Variants in RERE observed in about 807,000 individuals in gnomAD.
RERE encodes arginine-glutamic acid dipeptide repeats, also known as arginine-glutamic acid dipeptide repeats protein.
Under a neutral mutation model 146.1 loss-of-function variants are expected in RERE, and 40 were observed. The ratio of observed to expected loss-of-function variants is 0.27; its 90% CI spans 0.21 to 0.36. The LOEUF is 0.36. Among genes scored for constraint, RERE ranks in the 10% least tolerant of loss-of-function variants. RERE has a pLI of 1.00. For synonymous variants in RERE, 1,003 were observed against 866.0 expected, an observed-to-expected ratio of 1.16 and a Z score of -2.78; for missense variants, 1,933 against 2,138.7, an observed-to-expected ratio of 0.90 and a Z score of 1.90.
intron 11 of RERE, chr1:8,465,183 T>C (rs1157678359): frequency 6.5e-6 from 1 of 153,766 alleles, no homozygotes; most frequent in Non-Finnish European, 1.4e-5. Flanking sequence ...AAGATGGAGA[T>C]GTAGCTTCAT....
chr1:8,750,392 T>A, intron 1 of RERE: 1 of 694,284 alleles, frequency 1.4e-6, no homozygotes. Flanking sequence ...AACCCAGTAG[T>A]CTTTTAAAAA....
chr1:8,756,451 C>G (rs1640640188), intron 1 of RERE, among the ~76,000 whole-genome samples: 1 of 152,124 alleles, frequency 6.6e-6, no homozygotes, highest in Non-Finnish European at 1.5e-5. Context: ...GACCTAAAAG[C>G]CTCGACTCTG....
intron 11 of RERE, among the ~76,000 whole-genome samples, chr1:8,431,119 CG>C (rs1217087734): frequency 6.6e-6 from 1 of 152,158 alleles, no homozygotes; most frequent in African/African-American, 2.4e-5. Flanking sequence ...TACCTTAAGA[CG>C]GGGGTCTCCA....
At chr1:8,497,893 T>A (rs1645066893) in intron 8 of RERE, among the ~76,000 whole-genome samples, 1 of 152,148 alleles carries the variant, frequency 6.6e-6, no homozygotes. Flanking sequence ...ACACATACAT[T>A]TCCAATATAA....
At chr1:8,500,221 G>A (rs575185454) in intron 8 of RERE, among the ~76,000 whole-genome samples, 2 of 152,280 alleles carry the variant, frequency 1.3e-5, no homozygotes, top group Admixed American at 6.5e-5. Flanking sequence ...CCCCAGCACC[G>A]AGTACAGTAC....
chr1:8,549,015 G>T (rs1211869555), intron 6 of RERE, among the ~76,000 whole-genome samples: 1 of 152,120 alleles, frequency 6.6e-6, no homozygotes, highest in East Asian at 1.9e-4. Flanking sequence ...TCTAGTGTTG[G>T]ACTGGAATTG....
At chr1:8,746,106 C>A (rs908040209) in intron 1 of RERE, among the ~76,000 whole-genome samples, 10 of 152,302 alleles carry the variant, frequency 6.6e-5, no homozygotes, top group African/African-American at 2.2e-4. Context: ...TTGAAAGGCC[C>A]AGTTTAAATG....
At chr1:8,613,668 C>A (rs1447398514) in intron 4 of RERE, among the ~76,000 whole-genome samples, 1 of 152,170 alleles carries the variant, frequency 6.6e-6, no homozygotes, top group African/African-American at 2.4e-5. Flanking sequence ...GCTTGCTATC[C>A]TCTTGTATTA....
At chr1:8,560,488 A>T (rs1470702877) in intron 4 of RERE, among the ~76,000 whole-genome samples, 1 of 152,224 alleles carries the variant, frequency 6.6e-6, no homozygotes, top group Non-Finnish European at 1.5e-5. Flanking sequence ...AAGATGGCCT[A>T]CTGGAAAGAA....
intron 12 of RERE, among the ~76,000 whole-genome samples, chr1:8,379,530 C>T (rs1189877422): frequency 6.6e-6 from 1 of 152,206 alleles, no homozygotes; most frequent in Non-Finnish European, 1.5e-5. Context: ...CCATGGATCT[C>T]CGAATCTGTG....
intron 1 of RERE, among the ~76,000 whole-genome samples, chr1:8,722,189 C>T (rs2124474530): frequency 6.6e-6 from 1 of 152,318 alleles, no homozygotes; most frequent in South Asian, 2.1e-4. Context: ...GTAATTGTGT[C>T]TTCTGACAGA....
chr1:8,611,850 G>A (rs2124184868), intron 4 of RERE, among the ~76,000 whole-genome samples: 1 of 152,286 alleles, frequency 6.6e-6, no homozygotes, highest in South Asian at 2.1e-4. Flanking sequence ...CAGCTGGCGG[G>A]TAGAATCATT....
At chr1:8,547,378 A>G (rs1645876879) in intron 6 of RERE, among the ~76,000 whole-genome samples, 1 of 144,360 alleles carries the variant, frequency 6.9e-6, no homozygotes, top group Admixed American at 6.8e-5. Context: ...TCTAACTATG[A>G]CTCAAAATCC....
chr1:8,613,412 A>T (rs748704154), intron 4 of RERE, among the ~76,000 whole-genome samples: 1 of 152,132 alleles, frequency 6.6e-6, no homozygotes, highest in Non-Finnish European at 1.5e-5. Flanking sequence ...TGCGTTGCTT[A>T]TAAGGACAGG....
At chr1:8,618,575 T>C (rs1460678554) in intron 3 of RERE, among the ~76,000 whole-genome samples, 1 of 152,156 alleles carries the variant, frequency 6.6e-6, no homozygotes, top group Non-Finnish European at 1.5e-5. Flanking sequence ...GCCCATTCCG[T>C]GAATGTCCAT....
intron 8 of RERE, among the ~76,000 whole-genome samples, chr1:8,502,220 G>GC (rs1464473053): frequency 4.8e-5 from 5 of 104,402 alleles, no homozygotes; most frequent in East Asian, 3.2e-4. Flanking sequence ...GGGGGGATCA[G>GC]CCCCCCGCCT....
intron 1 of RERE, among the ~76,000 whole-genome samples, chr1:8,781,145 C>G (rs1259354016): frequency 6.6e-6 from 1 of 152,000 alleles, no homozygotes; most frequent in African/African-American, 2.4e-5. Flanking sequence ...ATCACAAGCT[C>G]AAGAGATCAA....
chr1:8,752,342 G>C (rs1413496092), intron 1 of RERE, among the ~76,000 whole-genome samples: 1 of 151,594 alleles, frequency 6.6e-6, no homozygotes, highest in Non-Finnish European at 1.5e-5. Context: ...CATAGCTCAG[G>C]AACATTTTCA....
At chr1:8,422,897 A>C (rs967666405) in intron 11 of RERE, 90 bp from the exon 12 acceptor site, 20 of 972,824 alleles carry the variant, frequency 2.1e-5, no homozygotes, top group Middle Eastern at 2.7e-4. Flanking sequence ...GCAGAATAAC[A>C]ACCACAAAAA....
Sources: gnomAD v4.1 joint callset for allele counts (sites outside exome capture counted in the v4.1 genomes callset) on GRCh38, gnomAD v4.1.1 for gene constraint, MANE v1.5 for transcripts, NCBI Gene and HGNC (gene_info 2026-07-23, HGNC 2026-07-21) for gene names.